Variants in SLC6A13 observed in about 807,000 individuals in gnomAD.
SLC6A13 encodes the protein solute carrier family 6 member 13, also known as sodium- and chloride-dependent GABA transporter 2.
SLC6A13 carries 69 observed loss-of-function variants against 72.9 expected under a neutral mutation model. That is an observed-to-expected ratio of 0.95 (90% CI 0.78 to 1.16). SLC6A13 has a LOEUF of 1.16. SLC6A13 is among the 50% of genes most tolerant of loss of function. The pLI is 0.00. For synonymous variants in SLC6A13, 303 were observed against 303.0 expected (o/e 1.00, Z 0.00); for missense variants, 735 against 760.5 (o/e 0.97, Z 0.39).
chr12:237,178 C>G lies in SLC6A13; in HGVS notation c.676G>C (p.Gly226Arg), dbSNP rs753868127. 1 of 1,614,102 alleles carries G rather than the reference C, an allele frequency of 6.2e-7. No homozygotes were observed. The highest frequency in any genetic ancestry group is 8.5e-7 in the Non-Finnish European group (1 of 1,179,984). Reference protein sequence around the residue: ...WVICYFCIWKGVKSTGKVVYF... With the variant: ...WVICYFCIWKRVKSTGKVVYF... ...CGAACCTTGCCTGTGGACTTCACCC[C>G]CTTCCAGATGCAGAAGTAGCAGATG... is the stretch of plus-strand genomic sequence containing the variant. The change falls in exon 6 of 15, where the codon GGG becomes CGG. Residue 226 changes from glycine to arginine, a missense_variant. Transcript: ENST00000343164.
At position 227,681 on chromosome 12, in the gene SLC6A13, A is replaced by G. The variant is rs572557977; in HGVS notation, c.832-13T>C. 1 of 1,580,792 alleles carries G rather than the reference A, an allele frequency of 6.3e-7. No homozygotes were observed. The highest frequency in any genetic ancestry group is 2.3e-5 in the East Asian group (1 of 44,018). On this transcript the variant is annotated splice_polypyrimidine_tract_variant and intron_variant, in intron 7 of 14. Transcript: ENST00000343164. ...CATCCATCCACACCTACAAAGGGGA[A>G]GGGCAAGAAAGGTGAACTCCCAGGA...
intron 4 of SLC6A13, among the ~76,000 whole-genome samples, chr12:241,677 A>T (rs565564235): frequency 4.6e-5 from 7 of 152,376 alleles, no homozygotes; most frequent in African/African-American, 1.7e-4. Flanking sequence ...AAGAACTACC[A>T]TATTGGATAG....
At chr12:235,347 C>A in intron 6 of SLC6A13, 123 bp from the exon 7 acceptor site, 1 of 921,452 alleles carries the variant, frequency 1.1e-6, no homozygotes, top group South Asian at 1.6e-5. Flanking sequence ...TCCTCCTGCT[C>A]CCAGCTCATC....
chr12:238,292 G>A, intron 4 of SLC6A13: 1 of 1,422,126 alleles, frequency 7.0e-7, no homozygotes, highest in Non-Finnish European at 9.3e-7. Context: ...CAGGTCAGCT[G>A]CTTCAAGGCA....
rs760465048 is a variant in SLC6A13, at chr12:243,747, G to C, written c.269C>G (p.Thr90Arg). ...TCGIPVFLLE[T>R]ALGQYTSQGG... ...CTGGCTAGTGTACTGGCCTAGTGCT[G>C]TCTCCAGAAGGAAGACAGGAATGCC... Residue 90 changes from threonine (T) to arginine (R), a missense_variant, in exon 3 of 15, where the codon ACA (threonine) becomes AGA (arginine). Physicochemically the swap from Thr to Arg is moderately conservative, Grantham distance 71 (BLOSUM62 -1). Coordinates refer to ENST00000343164, the MANE Select transcript of SLC6A13 (RefSeq NM_016615.5). 2 of 1,614,014 alleles carry C rather than the reference G, an allele frequency of 1.2e-6. No individual in the cohort carries two copies. The highest frequency in any genetic ancestry group is 1.7e-6 in the Non-Finnish European group (2 of 1,179,968).
chr12:247,018 AAAAAGAAAGAAAGAAAAGAAAGAAAG>A (rs199800118), intron 2 of SLC6A13, among the ~76,000 whole-genome samples: 3 of 99,498 alleles, frequency 3.0e-5, no homozygotes, highest in African/African-American at 1.2e-4. Context: ...AAAAAAAAAA[AAAAAGAAAGAAAGAAAAGAAAGAAAG>A]AAAAGAAAAA....
chr12:221,574 G>T, intron 13 of SLC6A13, 28 bp from the exon 14 acceptor site: 6 of 1,464,390 alleles, frequency 4.1e-6, no homozygotes, highest in South Asian at 2.6e-5. Context: ...AGAGAAAGGG[G>T]TTGGGGGGCG....
At chr12:247,477 G>A (rs567717239) in intron 2 of SLC6A13, among the ~76,000 whole-genome samples, 9 of 152,248 alleles carry the variant, frequency 5.9e-5, no homozygotes, top group South Asian at 2.1e-4. Flanking sequence ...CTGTCAACCC[G>A]GAATTCTATA....
intron 9 of SLC6A13, 47 bp from the exon 10 acceptor site, chr12:224,560 C>G: frequency 6.6e-7 from 1 of 1,518,680 alleles, no homozygotes; most frequent in Middle Eastern, 1.7e-4. Context: ...GGGCCAGCTC[C>G]AGGCTGTGGG....
chr12:224,854 A>G (rs547458656), intron 9 of SLC6A13, among the ~76,000 whole-genome samples: 1 of 152,354 alleles, frequency 6.6e-6, no homozygotes, highest in South Asian at 2.1e-4. Context: ...CCAGCAGGCC[A>G]TAGAAGTTTG....
intron 6 of SLC6A13, among the ~76,000 whole-genome samples, chr12:236,723 C>T (rs777725663): frequency 1.3e-5 from 2 of 152,208 alleles, no homozygotes; most frequent in Non-Finnish European, 2.9e-5. Flanking sequence ...AGGAGAGGCC[C>T]CCAGGGCAAG....
At chr12:238,445 G>A (rs1369087505) in intron 4 of SLC6A13, 1 of 695,750 alleles carries the variant, frequency 1.4e-6, no homozygotes, top group Admixed American at 2.4e-5. Flanking sequence ...GAACTGTGCA[G>A]CTGTGGGTAA....
rs1255660385 is a variant in SLC6A13, at chr12:242,648, C to T, written c.444G>A (p.Leu148=). 6.2e-7 allele frequency: 1 copy of T among 1,613,798 alleles called. No homozygotes were observed. Among genetic ancestry groups the T allele is most frequent in the South Asian group, 1.1e-5 (1 of 90,922 alleles). Reference sequence around the variant, plus strand: ...ACTCATGGTAGCAGCCGCCCCAGGGCAGGTCGATGGTGAAGCTGCTGAAGA... The same window carrying T: ...ACTCATGGTAGCAGCCGCCCCAGGGTAGGTCGATGGTGAAGCTGCTGAAGA... ...FYLFSSFTID[L]PWGGCYHEWN... The change falls in exon 4 of 15, where the codon CTG becomes CTA. Residue 148 remains leucine (L), a synonymous_variant. Transcript: ENST00000343164.
intron 8 of SLC6A13, 177 bp from the exon 9 acceptor site, chr12:226,691 C>G: frequency 1.5e-6 from 1 of 653,244 alleles, no homozygotes; most frequent in South Asian, 2.0e-5. Context: ...CACTGGCTCT[C>G]CTCCGACACT....
chr12:249,816 G>A (rs952713593), intron 2 of SLC6A13, among the ~76,000 whole-genome samples: 2 of 152,046 alleles, frequency 1.3e-5, no homozygotes, highest in Non-Finnish European at 2.9e-5. Context: ...GAAAGTTAAA[G>A]ATCAACATAT....
chr12:253,239 T>C (rs1052293539), intron 2 of SLC6A13, among the ~76,000 whole-genome samples: 1 of 152,214 alleles, frequency 6.6e-6, no homozygotes, highest in Non-Finnish European at 1.5e-5. Context: ...GTGTCACTTG[T>C]AACGTTCCAG....
intron 2 of SLC6A13, among the ~76,000 whole-genome samples, chr12:258,365 CTT>C (rs1176576877): frequency 6.6e-6 from 1 of 152,204 alleles, no homozygotes; most frequent in African/African-American, 2.4e-5. Flanking sequence ...GTATTGAATG[CTT>C]TCTCTCTCTA....
At chr12:229,459 T>C (rs1313177238) in intron 7 of SLC6A13, among the ~76,000 whole-genome samples, 1 of 152,234 alleles carries the variant, frequency 6.6e-6, no homozygotes, top group Non-Finnish European at 1.5e-5. Flanking sequence ...GGCATGAAAG[T>C]CACTCGGTTC....
intron 2 of SLC6A13, among the ~76,000 whole-genome samples, chr12:246,939 TG>T (rs1942370821): frequency 7.1e-6 from 1 of 141,154 alleles, no homozygotes; most frequent in Admixed American, 7.5e-5. Flanking sequence ...ACCTGGGAGG[TG>T]GAGGTTGCAG....
Sources: gnomAD v4.1 joint callset for allele counts (sites outside exome capture counted in the v4.1 genomes callset) on GRCh38, gnomAD v4.1.1 for gene constraint, MANE v1.5 for transcripts, NCBI Gene and HGNC (gene_info 2026-07-23, HGNC 2026-07-21) for gene names.